Variants in ATP1A3 observed in about 807,000 individuals in gnomAD.
The protein encoded by ATP1A3 is ATPase Na+/K+ transporting subunit alpha 3, also known as sodium/potassium-transporting ATPase subunit alpha-3.
Under a neutral mutation model 108.8 loss-of-function variants are expected in ATP1A3, and 12 were observed. The observed-to-expected ratio is 0.11, with a 90% CI of 0.07 to 0.18. The LOEUF is 0.18. ATP1A3 is among the 10% of genes least tolerant of loss of function. The pLI is 1.00. For missense variants in ATP1A3, 498 were observed against 1,387.7 expected, an observed-to-expected ratio of 0.36 and a Z score of 10.19; for synonymous variants, 539 against 564.5, an observed-to-expected ratio of 0.95 and a Z score of 0.64.
intron 18 of ATP1A3, 78 bp downstream of exon 18, chr19:41,970,107 C>CCAAG (rs2145947228): frequency 6.2e-7 from 1 of 1,612,284 alleles, no homozygotes; most frequent in East Asian, 2.2e-5. Flanking sequence ...TGCCAGGGTC[C>CCAAG]CAAGCACCCA....
intron 1 of ATP1A3, among the ~76,000 whole-genome samples, chr19:41,990,333 CTCTT>C (rs1555866889): frequency 1.3e-5 from 2 of 151,654 alleles, no homozygotes; most frequent in Non-Finnish European, 2.9e-5. Flanking sequence ...AAGATCTCCT[CTCTT>C]TCTCTTTCTC....
intron 1 of ATP1A3, chr19:41,993,562 C>T (rs1339755277): frequency 7.9e-7 from 1 of 1,262,360 alleles, no homozygotes; most frequent in African/African-American, 1.5e-5. Flanking sequence ...GCGGAGTCCC[C>T]CCATCCAGGC....
chr19:41,985,202 G>C lies in ATP1A3; in HGVS notation c.725-16C>G. 1.2e-6 allele frequency: 2 copies of C among 1,613,892 alleles called. No individual in the cohort carries two copies. Among genetic ancestry groups the C allele is most frequent in the Non-Finnish European group, 1.7e-6 (2 of 1,179,926 alleles). ...CGAGCCGTGCCTGCAGGCCAGAGGG[G>C]TTAGGCTGAGGTGGGGTGGCTCAGG... is the stretch of plus-strand genomic sequence containing the variant. On this transcript the variant is annotated splice_polypyrimidine_tract_variant and intron_variant, in intron 7 of 22. Transcript: ENST00000648268. This position sits in a 1 kb window ranked among gnomAD's most constrained non-coding sequence, Gnocchi z 8.2.
rs1555864948 is a variant in ATP1A3 at position 41,985,202 on chromosome 19, G to T, written c.725-16C>A. ...CGAGCCGTGCCTGCAGGCCAGAGGG[G>T]TTAGGCTGAGGTGGGGTGGCTCAGG... On this transcript the variant is annotated splice_polypyrimidine_tract_variant and intron_variant, in intron 7 of 22. Coordinates refer to ENST00000648268, the MANE Select transcript of ATP1A3 (RefSeq NM_152296.5). This position sits in a 1 kb window ranked among gnomAD's most constrained non-coding sequence, Gnocchi z 8.2. The T allele has an allele frequency of 1.2e-6, 2 of 1,613,892 alleles. No individual in the cohort carries two copies. Among genetic ancestry groups the T allele is most frequent in the East Asian group, 2.2e-5 (1 of 44,878 alleles).
At position 41,985,246 on chromosome 19, in the gene ATP1A3, C is replaced by T. The variant is rs375241733; in HGVS notation, c.724+60G>A. 4 of 1,613,848 alleles carry T rather than the reference C, an allele frequency of 2.5e-6. No individual in the cohort carries two copies. The African/African-American group carries it at 5.3e-5, about 22-fold the overall frequency. On this transcript the variant is annotated intron_variant, in intron 7 of 22. Transcript: ENST00000648268. This position sits in a 1 kb window ranked among gnomAD's most constrained non-coding sequence, Gnocchi z 8.2. ...GCTCAGGGAGGTTCTGGAGGCCTGA[C>T]CCCCTGGGACACATCCCTGTGTCTG... is the stretch of plus-strand genomic sequence containing the variant.
intron 11 of ATP1A3, among the ~76,000 whole-genome samples, chr19:41,979,671 T>C (rs2075209785): frequency 6.6e-6 from 1 of 151,916 alleles, no homozygotes; most frequent in South Asian, 2.1e-4. Flanking sequence ...AGTAGGTTAG[T>C]GGTTGCTTAG....
chr19:41,976,391 CCT>C, intron 15 of ATP1A3, 23 bp downstream of exon 15: 1 of 1,614,038 alleles, frequency 6.2e-7, no homozygotes, highest in Non-Finnish European at 8.5e-7. Context: ...GGCCCCGTCC[CCT>C]CCTCTGCGGG....
chr19:41,983,624 C>T (rs2075257116), intron 8 of ATP1A3, among the ~76,000 whole-genome samples: 1 of 146,586 alleles, frequency 6.8e-6, no homozygotes, highest in African/African-American at 2.5e-5. Context: ...TTATTATTTT[C>T]TTGAGATGGA....
chr19:41,994,030 A>C, intron 1 of ATP1A3, 41 bp downstream of exon 1: 2 of 1,608,680 alleles, frequency 1.2e-6, no homozygotes, highest in Non-Finnish European at 1.7e-6. Context: ...CCGGCCCCAC[A>C]ATGTCACACG....
chr19:41,974,343 T>G (rs1184255265), intron 16 of ATP1A3, among the ~76,000 whole-genome samples: 1 of 152,180 alleles, frequency 6.6e-6, no homozygotes, highest in Non-Finnish European at 1.5e-5. Flanking sequence ...CTTAGGGGCC[T>G]GAGGCAGGAG....
At position 41,985,885 on chromosome 19, in the gene ATP1A3, G is replaced by T; in HGVS notation, c.585C>A (p.Ile195=). 1 of 1,614,100 alleles carries T rather than the reference G, an allele frequency of 6.2e-7. No individual in the cohort carries two copies. The highest frequency in any genetic ancestry group is 1.6e-4 in the Middle Eastern group (1 of 6,062). The change falls in exon 6 of 23, where the codon ATC becomes ATA. Residue 195 remains isoleucine (I), a synonymous_variant. Transcript: ENST00000648268. This position sits in a 1 kb window ranked among gnomAD's most constrained non-coding sequence, Gnocchi z 8.2. The stretch of plus-strand genomic sequence containing the variant: ...CCACCTTGCAGCCGTGGGCTGAGAT[G>T]ATCCGCAGGTCAGCTGGCACTCGGT... ...GGDRVPADLR[I]ISAHGCKVDN... is the part of the protein sequence containing the mutation.
In ATP1A3 at chr19:41,966,734, A is replaced by T. The variant is rs2075045686; in HGVS notation, c.*203T>A. Reference sequence around the variant, plus strand: ...GGAGAGGGAGAGAAACTGACACAGAAAAGAGAGAGGAGAGAGGTTTGGGGC... The same window carrying T: ...GGAGAGGGAGAGAAACTGACACAGATAAGAGAGAGGAGAGAGGTTTGGGGC... On this transcript the variant is annotated 3_prime_UTR_variant, in exon 23 of 23. Coordinates refer to ENST00000648268, the MANE Select transcript of ATP1A3 (RefSeq NM_152296.5). 13 of 1,533,444 alleles carry T rather than the reference A, an allele frequency of 8.5e-6. No individual in the cohort carries two copies. Among genetic ancestry groups the T allele is most frequent in the Non-Finnish European group, 1.1e-5 (13 of 1,135,688 alleles). 95.0% of individuals were successfully genotyped at this position (1,533,444 alleles called of 1,614,324 possible). A position where few individuals can be genotyped will look rare whatever the true frequency, so the allele number is the denominator to read the frequency against.
At position 41,968,970 on chromosome 19, in the gene ATP1A3, G is replaced by A; in HGVS notation, c.2689-55C>T. Reference sequence around the variant, plus strand: ...GTCAGTTAGTGGCACTGCAGCCCTAGCCGCCACCCCGACGTTCCGGTGCTC... The same window carrying A: ...GTCAGTTAGTGGCACTGCAGCCCTAACCGCCACCCCGACGTTCCGGTGCTC... On this transcript the variant is annotated intron_variant, in intron 19 of 22. Transcript: ENST00000648268. The surrounding 1 kb of genome is among the most constrained non-coding windows in gnomAD (Gnocchi z 5.0). The A allele has an allele frequency of 1.2e-6, 2 of 1,611,604 alleles. No individual in the cohort carries two copies. The highest frequency in any genetic ancestry group is 1.7e-6 in the Non-Finnish European group (2 of 1,178,890).
chr19:41,988,303 A>G lies in ATP1A3; in HGVS notation c.153+15T>C. 3 of 1,613,960 alleles carry G rather than the reference A, an allele frequency of 1.9e-6. No individual in the cohort carries two copies. Among genetic ancestry groups the G allele is most frequent in the Non-Finnish European group, 2.5e-6 (3 of 1,179,916 alleles). ...TCCCTAGTTCCCAGGGTCCCAGCCC[A>G]CAGCCTGGCCACACCTGCACACAGT... is the stretch of plus-strand genomic sequence containing the variant. On this transcript the variant is annotated intron_variant, in intron 3 of 22. Coordinates refer to ENST00000648268, the MANE Select transcript of ATP1A3 (RefSeq NM_152296.5). This position sits in a 1 kb window ranked among gnomAD's most constrained non-coding sequence, Gnocchi z 5.3.
intron 18 of ATP1A3, 74 bp from the exon 19 acceptor site, chr19:41,969,654 G>C (rs1417123931): frequency 6.3e-7 from 1 of 1,582,718 alleles, no homozygotes; most frequent in Non-Finnish European, 8.6e-7. Flanking sequence ...ACCTCAGAGG[G>C]CCCGGAGGCC....
rs372991381 is a variant in ATP1A3, at chr19:41,967,444, G to C, written c.2922-104C>G. Reference sequence around the variant, plus strand: ...GAGGGGCAGTCTCCCAGGATCCTTCGTGCTCACAGGTGGAGGGTGCCCTGG... The same window carrying C: ...GAGGGGCAGTCTCCCAGGATCCTTCCTGCTCACAGGTGGAGGGTGCCCTGG... On this transcript the variant is annotated intron_variant, in intron 21 of 22. Coordinates refer to ENST00000648268, the MANE Select transcript of ATP1A3 (RefSeq NM_152296.5). The surrounding 1 kb of genome is among the most constrained non-coding windows in gnomAD (Gnocchi z 4.2). The C allele has an allele frequency of 5.2e-6, 7 of 1,357,174 alleles. No homozygotes were observed. Among genetic ancestry groups the C allele is most frequent in the African/African-American group, 1.4e-5 (1 of 69,334 alleles). The allele number at this position is 1,357,174 out of a possible 1,614,324, so 84.1% of individuals were successfully genotyped here. A position where few individuals can be genotyped will look rare whatever the true frequency, so the allele number is the denominator to read the frequency against.
In ATP1A3 at chr19:41,978,171, A is replaced by T; in HGVS notation, c.1786T>A (p.Cys596Ser). Residue 596 changes from cysteine to serine, a missense_variant, in exon 13 of 23, where the codon TGT (cysteine) becomes AGT (serine). By Grantham distance (112) the Cys-to-Ser change is moderately radical. Transcript: ENST00000648268. The surrounding 1 kb of genome is among the most constrained non-coding windows in gnomAD (Gnocchi z 8.3). ...RAAVPDAVGKCRSAGIKVIMV... is the reference protein window; with the variant it reads ...RAAVPDAVGKSRSAGIKVIMV... ...CACACCTTGATGCCTGCGCTGCGACACTTGCCCACCGCGTCAGGGACGGCT... is the reference window on the plus strand; with the variant it reads ...CACACCTTGATGCCTGCGCTGCGACTCTTGCCCACCGCGTCAGGGACGGCT... 6.2e-7 allele frequency: 1 copy of T among 1,614,148 alleles called. No homozygotes were observed. The highest frequency in any genetic ancestry group is 8.5e-7 in the Non-Finnish European group (1 of 1,180,020).
rs902680241 is a variant in ATP1A3, at chr19:41,967,788, G to A, written c.2820-25C>T. On this transcript the variant is annotated intron_variant, in intron 20 of 22. Coordinates refer to ENST00000648268, the MANE Select transcript of ATP1A3 (RefSeq NM_152296.5). The surrounding 1 kb of genome is among the most constrained non-coding windows in gnomAD (Gnocchi z 4.2). ...CCTGGAGGCACAGAAGGGCAGGGCT[G>A]GGCCCAGAGAGCACCCACCCTGCAC... 1.9e-6 allele frequency: 3 copies of A among 1,610,162 alleles called. No homozygotes were observed. Among genetic ancestry groups the A allele is most frequent in the Non-Finnish European group, 2.5e-6 (3 of 1,177,660 alleles).
At position 41,988,002 on chromosome 19, in the gene ATP1A3, C is replaced by T. The variant is rs782634422; in HGVS notation, c.291G>A (p.Gly97=). Residue 97 remains glycine, a synonymous_variant, in exon 4 of 23, where the codon GGG becomes GGA. Coordinates refer to ENST00000648268, the MANE Select transcript of ATP1A3 (RefSeq NM_152296.5). This position sits in a 1 kb window ranked among gnomAD's most constrained non-coding sequence, Gnocchi z 5.3. The part of the protein sequence containing the change: ...FGGFSILLWI[G]AILCFLAYGI... Reference sequence around the variant, plus strand: ...CGTAGGCCAGGAAGCAGAGGATAGCCCCGATCCACAGCAGGATGGAGAAGC... The same window carrying T: ...CGTAGGCCAGGAAGCAGAGGATAGCTCCGATCCACAGCAGGATGGAGAAGC... The T allele has an allele frequency of 9.3e-6, 15 of 1,614,122 alleles. No homozygotes were observed. Among genetic ancestry groups the T allele is most frequent in the Non-Finnish European group, 1.3e-5 (15 of 1,180,036 alleles).
Sources: allele counts gnomAD v4.1 joint callset (sites outside exome capture counted in the v4.1 genomes callset), GRCh38; gene constraint gnomAD v4.1.1; non-coding constraint Gnocchi (gnomAD v3.1); transcripts MANE v1.5; gene names NCBI Gene and HGNC (gene_info 2026-07-23, HGNC 2026-07-21).